ANKRD44: variants seen among roughly 807,000 people sequenced by gnomAD.
ANKRD44 encodes the protein ankyrin repeat domain 44, also known as serine/threonine-protein phosphatase 6 regulatory ankyrin repeat subunit B.
In ANKRD44, 35 loss-of-function variants were observed where a neutral mutation model predicts 116.0. The observed-to-expected ratio is 0.30, with a 90% CI of 0.23 to 0.40. The LOEUF is 0.40. Ranked by LOEUF, ANKRD44 falls within the 10% of genes least tolerant of loss-of-function variation. ANKRD44 has a pLI of 1.00. For synonymous variants in ANKRD44, 435 were observed against 461.8 expected, an observed-to-expected ratio of 0.94 and a Z score of 0.74; for missense variants, 1,014 against 1,242.6, an observed-to-expected ratio of 0.82 and a Z score of 2.77.
chr2:196,969,204 T>C (rs1486354308), intron 21 of ANKRD44, among the ~76,000 whole-genome samples: 1 of 152,218 alleles, frequency 6.6e-6, no homozygotes, highest in Non-Finnish European at 1.5e-5. Flanking sequence ...TAAAATATAC[T>C]TCAATATTTA....
chr2:196,993,767 C>T (rs1209361957), intron 26 of ANKRD44, 93 bp from the exon 27 acceptor site: 3 of 995,480 alleles, frequency 3.0e-6, no homozygotes, highest in Non-Finnish European at 4.6e-6. Flanking sequence ...GGAAGAAGTA[C>T]TTAGACTCTA....
rs2081083946 is a variant in ANKRD44, at chr2:197,201,099, A to C, written c.28-13993T>G. Reference sequence around the variant, plus strand: ...CTCAAAGACTAGAGATTAAAAAGGCATGGGTAATTTTTAACTGAGAGGTGG... The same window carrying C: ...CTCAAAGACTAGAGATTAAAAAGGCCTGGGTAATTTTTAACTGAGAGGTGG... On this transcript the variant is annotated intron_variant, in intron 1 of 27. Coordinates refer to ENST00000282272, the MANE Select transcript of ANKRD44 (RefSeq NM_001195144.2). The surrounding 1 kb of genome is among the most constrained non-coding windows in gnomAD (Gnocchi z 4.0). Among the ~76,000 whole-genome samples the C allele has an allele frequency of 6.6e-6, 1 of 152,210 alleles. No individual in the cohort carries two copies. Among genetic ancestry groups the C allele is most frequent in the African/African-American group, 2.4e-5 (1 of 41,450 alleles).
At chr2:197,260,519 T>C (rs2082573036) in intron 1 of ANKRD44, among the ~76,000 whole-genome samples, 2 of 152,136 alleles carry the variant, frequency 1.3e-5, no homozygotes, top group Admixed American at 1.3e-4. Flanking sequence ...TCTTTGCTAT[T>C]GTGAATAGTG....
chr2:196,977,685 A>G (rs574276332), intron 21 of ANKRD44, among the ~76,000 whole-genome samples: 1 of 152,356 alleles, frequency 6.6e-6, no homozygotes, highest in Non-Finnish European at 1.5e-5. Flanking sequence ...TAATAAAAAT[A>G]AATGAGGAAT....
intron 16 of ANKRD44, among the ~76,000 whole-genome samples, chr2:197,032,246 T>TG (rs1412280167): frequency 6.6e-6 from 1 of 152,114 alleles, no homozygotes; most frequent in African/African-American, 2.4e-5. Context: ...ACTACAATGG[T>TG]GCTGGGGGTG....
In ANKRD44 at chr2:197,201,624, G is replaced by T. The variant is rs2081093650; in HGVS notation, c.28-14518C>A. Among the ~76,000 whole-genome samples, 1 of 152,168 alleles carries T rather than the reference G, an allele frequency of 6.6e-6. No individual in the cohort carries two copies. Among genetic ancestry groups the T allele is most frequent in the Non-Finnish European group, 1.5e-5 (1 of 68,020 alleles). Reference sequence around the variant, plus strand: ...AAATCTAGATTTGGGAATCTGCACTGCACACCTTATGTCAAAACTCAGAGC... The same window carrying T: ...AAATCTAGATTTGGGAATCTGCACTTCACACCTTATGTCAAAACTCAGAGC... On this transcript the variant is annotated intron_variant, in intron 1 of 27. Coordinates refer to ENST00000282272, the MANE Select transcript of ANKRD44 (RefSeq NM_001195144.2). This position sits in a 1 kb window ranked among gnomAD's most constrained non-coding sequence, Gnocchi z 4.0.
chr2:197,000,690 T>A (rs1392930872), intron 22 of ANKRD44, among the ~76,000 whole-genome samples, 188 bp from the exon 23 acceptor site: 1 of 152,202 alleles, frequency 6.6e-6, no homozygotes, highest in African/African-American at 2.4e-5. Flanking sequence ...AACCTCTATA[T>A]CCAGGTAGAA....
chr2:197,048,318 T>C (rs189952666), intron 16 of ANKRD44, among the ~76,000 whole-genome samples: 1 of 152,282 alleles, frequency 6.6e-6, no homozygotes, highest in Non-Finnish European at 1.5e-5. Context: ...TAGGTATTTC[T>C]CCTAATGCTA....
At chr2:197,061,486 C>T (rs958201761) in intron 16 of ANKRD44, among the ~76,000 whole-genome samples, 3 of 152,144 alleles carry the variant, frequency 2.0e-5, no homozygotes, top group Admixed American at 2.0e-4. Context: ...ATGGAAGATA[C>T]CACTACAGAA....
chr2:197,222,498 T>C (rs1301567912), intron 1 of ANKRD44, among the ~76,000 whole-genome samples: 1 of 152,232 alleles, frequency 6.6e-6, no homozygotes, highest in Admixed American at 6.5e-5. Context: ...TTCTGGAAGA[T>C]TGAGACCTTC....
chr2:197,047,299 C>T (rs2077020723), intron 16 of ANKRD44, among the ~76,000 whole-genome samples: 1 of 152,120 alleles, frequency 6.6e-6, no homozygotes, highest in Non-Finnish European at 1.5e-5. Context: ...AGATGACAGG[C>T]GTGAGCCACT....
intron 1 of ANKRD44, among the ~76,000 whole-genome samples, chr2:197,247,236 C>T (rs1340814789): frequency 6.6e-6 from 1 of 152,152 alleles, no homozygotes; most frequent in Non-Finnish European, 1.5e-5. Flanking sequence ...AGAGATCGCA[C>T]GAGAACTTAT....
chr2:197,020,893 C>T (rs768255838), intron 17 of ANKRD44, among the ~76,000 whole-genome samples: 1 of 151,668 alleles, frequency 6.6e-6, no homozygotes, highest in Non-Finnish European at 1.5e-5. Context: ...TGGTGTGCTG[C>T]ACCCATTAAC....
chr2:197,010,347 C>T (rs1278439010), intron 18 of ANKRD44, among the ~76,000 whole-genome samples: 3 of 151,914 alleles, frequency 2.0e-5, no homozygotes, highest in East Asian at 1.9e-4. Context: ...CAGGCATCCT[C>T]GTGCCTGGCC....
intron 4 of ANKRD44, among the ~76,000 whole-genome samples, chr2:197,129,714 A>G (rs1253997425): frequency 6.6e-6 from 1 of 152,246 alleles, no homozygotes; most frequent in African/African-American, 2.4e-5. Context: ...TTGAAATAAG[A>G]AGTAGAAACA....
At chr2:197,202,614 C>G (rs1432049198) in intron 1 of ANKRD44, among the ~76,000 whole-genome samples, 2 of 149,900 alleles carry the variant, frequency 1.3e-5, no homozygotes, top group African/African-American at 5.1e-5. Flanking sequence ...GCTCTGTCCC[C>G]CAGGCTGGAG....
At chr2:197,042,345 C>G (rs2076925384) in intron 16 of ANKRD44, among the ~76,000 whole-genome samples, 2 of 152,226 alleles carry the variant, frequency 1.3e-5, no homozygotes, top group South Asian at 4.1e-4. Context: ...CTCCTGTTAC[C>G]TTGTCCTTTG....
intron 21 of ANKRD44, among the ~76,000 whole-genome samples, chr2:196,974,552 A>G (rs2075743059): frequency 6.6e-6 from 1 of 152,230 alleles, no homozygotes; most frequent in Non-Finnish European, 1.5e-5. Context: ...ATATTTAAAA[A>G]GAATATTTTA....
intron 4 of ANKRD44, among the ~76,000 whole-genome samples, chr2:197,131,185 G>T (rs1377178958): frequency 7.1e-6 from 1 of 140,384 alleles, no homozygotes; most frequent in Non-Finnish European, 1.5e-5. Context: ...CTAGCAGATA[G>T]TAAGTACTTT....
Sources: gnomAD v4.1 joint callset for allele counts (sites outside exome capture counted in the v4.1 genomes callset) on GRCh38, gnomAD v4.1.1 for gene constraint, Gnocchi (gnomAD v3.1) non-coding constraint, MANE v1.5 for transcripts, NCBI Gene and HGNC (gene_info 2026-07-23, HGNC 2026-07-21) for gene names.